DENND5B: variants seen among roughly 807,000 people sequenced by gnomAD.
The protein encoded by DENND5B is DENN domain-containing protein 5B.
In DENND5B, 34 loss-of-function variants were observed where a neutral mutation model predicts 140.6. The observed-to-expected ratio is 0.24, with a 90% CI of 0.18 to 0.32. The LOEUF is 0.32. DENND5B is among the 10% of genes least tolerant of loss of function. DENND5B has a pLI of 1.00. For missense variants in DENND5B, 1,142 were observed against 1,560.2 expected, an observed-to-expected ratio of 0.73 and a Z score of 4.52; for synonymous variants, 551 against 562.1, an observed-to-expected ratio of 0.98 and a Z score of 0.28.
At chr12:31,443,367 G>A (rs1046784776) in intron 6 of DENND5B, among the ~76,000 whole-genome samples, 2 of 152,236 alleles carry the variant, frequency 1.3e-5, no homozygotes, top group South Asian at 2.1e-4. Context: ...GAGCCACCAC[G>A]CCCGGTCTTG....
At chr12:31,453,693 G>C (rs749410658) in intron 4 of DENND5B, among the ~76,000 whole-genome samples, 9 of 152,148 alleles carry the variant, frequency 5.9e-5, no homozygotes, top group Non-Finnish European at 1.3e-4. Context: ...GCACCAAGGG[G>C]AAAATTCACA....
intron 5 of DENND5B, among the ~76,000 whole-genome samples, chr12:31,450,148 T>C (rs1944450343): frequency 6.6e-6 from 1 of 152,216 alleles, no homozygotes; most frequent in South Asian, 2.1e-4. Context: ...AAAGAAGTTT[T>C]CTCAAACGTA....
At chr12:31,412,752 ATTTC>A (rs1412848454) in intron 13 of DENND5B, among the ~76,000 whole-genome samples, 1 of 151,986 alleles carries the variant, frequency 6.6e-6, no homozygotes, top group African/African-American at 2.4e-5. Context: ...GAACTTTATT[ATTTC>A]TTTCTTTTTT....
chr12:31,403,440 A>G (rs1388608886), intron 14 of DENND5B, among the ~76,000 whole-genome samples: 1 of 151,716 alleles, frequency 6.6e-6, no homozygotes, highest in African/African-American at 2.4e-5. Context: ...TAACAGTACA[A>G]AAATTAGCCG....
intron 4 of DENND5B, among the ~76,000 whole-genome samples, chr12:31,457,745 GCT>G (rs1944838805): frequency 6.7e-6 from 1 of 148,872 alleles, no homozygotes; most frequent in African/African-American, 2.5e-5. Flanking sequence ...ATGGAGTCTC[GCT>G]CTGTCGCCCA....
chr12:31,419,911 T>G (rs900130164), intron 11 of DENND5B: 1 of 598,920 alleles, frequency 1.7e-6, no homozygotes, highest in Non-Finnish European at 2.1e-6. Flanking sequence ...AAGTGGAGGT[T>G]GCAGTGAGCC....
intron 9 of DENND5B, among the ~76,000 whole-genome samples, chr12:31,425,989 A>G (rs1785091838): frequency 6.6e-6 from 1 of 152,228 alleles, no homozygotes; most frequent in African/African-American, 2.4e-5. Context: ...TTCACATAAG[A>G]TGACAACATT....
At chr12:31,468,810 T>C (rs1945398835) in intron 3 of DENND5B, among the ~76,000 whole-genome samples, 1 of 115,962 alleles carries the variant, frequency 8.6e-6, no homozygotes, top group Non-Finnish European at 1.8e-5. Context: ...AGGCCCTGTC[T>C]CAAAAAACCA....
At chr12:31,431,010 C>G (rs1338253551) in intron 8 of DENND5B, among the ~76,000 whole-genome samples, 1 of 152,150 alleles carries the variant, frequency 6.6e-6, no homozygotes. Context: ...AAAATAACAT[C>G]TGGAGGAAAA....
chr12:31,400,837 G>GTTTTTTTTTTTTTTT (rs368442172), intron 15 of DENND5B, among the ~76,000 whole-genome samples: 2 of 113,968 alleles, frequency 1.8e-5, no homozygotes, highest in Non-Finnish European at 1.8e-5. Context: ...AGAGCTACGA[G>GTTTTTTTTTTTTTTT]TTTTTTTTTT....
chr12:31,567,950 CCA>C (rs1487085709), intron 1 of DENND5B, among the ~76,000 whole-genome samples: 1 of 152,176 alleles, frequency 6.6e-6, no homozygotes, highest in Non-Finnish European at 1.5e-5. Context: ...AGCCATCCTC[CCA>C]CCTCGGCCTT....
intron 11 of DENND5B, among the ~76,000 whole-genome samples, chr12:31,416,557 C>A (rs1168350277): frequency 1.3e-5 from 2 of 152,112 alleles, no homozygotes; most frequent in Non-Finnish European, 2.9e-5. Flanking sequence ...AGCCACCATG[C>A]CTGGCCAGTT....
intron 8 of DENND5B, among the ~76,000 whole-genome samples, chr12:31,428,118 T>C (rs1263775699): frequency 1.3e-5 from 2 of 152,062 alleles, no homozygotes; most frequent in Non-Finnish European, 2.9e-5. Context: ...TCTTTGACCC[T>C]CTTAAAAATG....
chr12:31,462,624 G>GT (rs1035098854), intron 3 of DENND5B, among the ~76,000 whole-genome samples: 3 of 151,766 alleles, frequency 2.0e-5, no homozygotes, highest in East Asian at 1.9e-4. Context: ...TAAATGTTAT[G>GT]TTTTTTTTCC....
At chr12:31,542,882 G>C (rs1565679696) in intron 1 of DENND5B, among the ~76,000 whole-genome samples, 2 of 152,146 alleles carry the variant, frequency 1.3e-5, no homozygotes. Context: ...CTTGAGCCTG[G>C]GAGGTGGAAG....
chr12:31,445,596 T>C (rs761692621), intron 6 of DENND5B, among the ~76,000 whole-genome samples: 2 of 151,978 alleles, frequency 1.3e-5, no homozygotes, highest in African/African-American at 4.8e-5. Context: ...TCCCAGCTAC[T>C]TGGGAGGCTG....
intron 14 of DENND5B, among the ~76,000 whole-genome samples, chr12:31,407,155 G>A (rs1370540855): frequency 6.9e-6 from 1 of 144,122 alleles, no homozygotes; most frequent in Non-Finnish European, 1.5e-5. Flanking sequence ...TTTTGAGACG[G>A]AGTCTCGCTC....
intron 1 of DENND5B, among the ~76,000 whole-genome samples, chr12:31,554,900 C>T (rs1949217336): frequency 6.6e-6 from 1 of 152,218 alleles, no homozygotes; most frequent in Non-Finnish European, 1.5e-5. Flanking sequence ...CCTTGGTTTT[C>T]AGCTCCATCA....
chr12:31,409,167 C>A, intron 14 of DENND5B, 96 bp downstream of exon 14: 1 of 1,290,634 alleles, frequency 7.7e-7, no homozygotes, highest in South Asian at 1.8e-5. Flanking sequence ...GTCACAATGT[C>A]ACATGTACTA....
Sources: gnomAD v4.1 joint callset for allele counts (sites outside exome capture counted in the v4.1 genomes callset) on GRCh38, gnomAD v4.1.1 for gene constraint, MANE v1.5 for transcripts, NCBI Gene and HGNC (gene_info 2026-07-23, HGNC 2026-07-21) for gene names.